CROCC: variants seen among roughly 807,000 people sequenced by gnomAD.
The protein encoded by CROCC is ciliary rootlet coiled-coil, rootletin, also known as rootletin.
Under a neutral mutation model 245.2 loss-of-function variants are expected in CROCC, and 180 were observed. That is an observed-to-expected ratio of 0.73 (90% confidence interval 0.65 to 0.83). The LOEUF (loss-of-function observed/expected upper bound fraction) is 0.83, where lower values mean the gene tolerates loss of function less well. CROCC is among the 40% of genes least tolerant of loss of function. The pLI, the probability that CROCC is intolerant of heterozygous loss-of-function variation, is 0.00. For missense variants in CROCC, 2,688 were observed against 2,779.4 expected (o/e 0.97, Z 0.74); for synonymous variants, 1,205 against 1,241.6 (o/e 0.97, Z 0.62).
At position 16,969,930 on chromosome 1, in the gene CROCC, G is replaced by A. The variant is rs202156682; in HGVS notation, c.5447G>A (p.Arg1816Gln). The A allele has an allele frequency of 2.0e-4, 314 of 1,590,754 alleles. No individual in the cohort carries two copies. Among genetic ancestry groups the A allele is most frequent in the East Asian group, 9.4e-4 (42 of 44,704 alleles). Residue 1816 changes from arginine to glutamine, a missense_variant, in exon 33 of 37, where the codon CGG (arginine) becomes CAG (glutamine). Around this residue, in one of 9 missense-constraint regions of CROCC, gnomAD observed 1,218 missense variants for 1,286.3 expected, o/e 0.95. Transcript: ENST00000375541. ...VEAEGQLQQL[R>Q]EVLRQRQEGE... is the part of the protein sequence containing the mutation. ...GCCGAGGGCCAGCTACAACAGCTACGGGAGGTGAGGGCCAGGGTGTGCCCC... is the reference window on the plus strand; with the variant it reads ...GCCGAGGGCCAGCTACAACAGCTACAGGAGGTGAGGGCCAGGGTGTGCCCC...
In CROCC at chr1:16,955,492, C is replaced by A; in HGVS notation, c.3646C>A (p.Arg1216=). The part of the protein sequence containing the change: ...GEGAKEREAL[R]RSNEELRSAV... ...GGGTGCCAAGGAGCGCGAGGCCCTGCGGCGTTCCAATGAGGAGCTTCGGTC... is the reference window on the plus strand; with the variant it reads ...GGGTGCCAAGGAGCGCGAGGCCCTGAGGCGTTCCAATGAGGAGCTTCGGTC... Residue 1216 remains arginine, a synonymous_variant, in exon 24 of 37, where the codon CGG becomes AGG. Transcript: ENST00000375541. The A allele has an allele frequency of 6.3e-7, 1 of 1,578,904 alleles. No homozygotes were observed. The highest frequency in any genetic ancestry group is 1.1e-5 in the South Asian group (1 of 87,144).
At position 16,931,145 on chromosome 1, in the gene CROCC, T is replaced by C. The variant is rs532717334; in HGVS notation, c.850-146T>C. The C allele has an allele frequency of 3.8e-5, 26 of 675,796 alleles. No homozygotes were observed. In the East Asian group the frequency reaches 7.1e-4, roughly 18 times the overall value. 41.9% of individuals were successfully genotyped at this position (675,796 alleles called of 1,614,324 possible). A position where few individuals can be genotyped will look rare whatever the true frequency, so the allele number is the denominator to read the frequency against. ...GGCTTGGGAGGCTGAGCATGGCCGCTGCAACACAGCTCTGTGCACAGACCC... is the reference window on the plus strand; with the variant it reads ...GGCTTGGGAGGCTGAGCATGGCCGCCGCAACACAGCTCTGTGCACAGACCC... On this transcript the variant is annotated intron_variant, in intron 7 of 36. Transcript: ENST00000375541.
chr1:16,918,300 CT>C (rs201445636), upstream of CROCC, among the ~76,000 whole-genome samples: 42 of 123,872 alleles, frequency 3.4e-4, no homozygotes, highest in South Asian at 9.0e-4. Flanking sequence ...GGAATTCAGT[CT>C]TTTTTTTTTT....
chr1:16,931,143 G>C (rs1380604891), intron 7 of CROCC, 148 bp from the exon 8 acceptor site: 1 of 652,488 alleles, frequency 1.5e-6, no homozygotes, highest in East Asian at 3.0e-5. Context: ...GAGCATGGCC[G>C]CTGCAACACA....
At chr1:16,964,335 CT>C (rs2076385036) in intron 27 of CROCC, among the ~76,000 whole-genome samples, 1 of 151,044 alleles carries the variant, frequency 6.6e-6, no homozygotes, top group South Asian at 2.1e-4. Context: ...CTTTTCTTTT[CT>C]TTTCCTTTCT....
At chr1:16,964,604 C>T (rs142201963) in intron 27 of CROCC, among the ~76,000 whole-genome samples, 2,120 of 152,030 alleles carry the variant, frequency 0.014, 11 homozygotes, top group Non-Finnish European at 0.02. Flanking sequence ...AGGCCGGTCT[C>T]GAACTGCTGA....
upstream of CROCC, among the ~76,000 whole-genome samples, chr1:16,920,988 C>T (rs1386202141): frequency 6.6e-6 from 1 of 152,280 alleles, no homozygotes; most frequent in Non-Finnish European, 1.5e-5. Context: ...AGGTGATCCA[C>T]CCGCTTTGTC....
Position 16,971,509 on chromosome 1 carries a change from G to T in CROCC, c.5829G>T (p.Leu1943=), listed in dbSNP as rs2076519190. ...VLEQSHSPAQ[L]EVDAQQQQLE... ...AGCAGAGCCACAGCCCGGCCCAGCT[G>T]GAGGTGGATGCGCAGCAGCAGCAGC... The change falls in exon 36 of 37, where the codon CTG becomes CTT. Residue 1943 remains leucine (L), a synonymous_variant. Transcript: ENST00000375541. The T allele has an allele frequency of 2.0e-6, 3 of 1,537,194 alleles. No individual in the cohort carries two copies. The highest frequency in any genetic ancestry group is 2.6e-6 in the Non-Finnish European group (3 of 1,146,446).
upstream of CROCC, among the ~76,000 whole-genome samples, chr1:16,920,056 C>T (rs2100299108): frequency 6.6e-6 from 1 of 150,822 alleles, no homozygotes; most frequent in Middle Eastern, 3.4e-3. Flanking sequence ...CACGCCCCAG[C>T]TAATTTTTTT....
At chr1:16,919,766 G>A (rs2075365062), upstream of CROCC, among the ~76,000 whole-genome samples, 1 of 152,272 alleles carries the variant, frequency 6.6e-6, no homozygotes, top group Admixed American at 6.5e-5. Context: ...TTTTTGGTAG[G>A]ACAGAGTCTC....
At position 16,948,422 on chromosome 1, in the gene CROCC, G is replaced by T; in HGVS notation, c.2606G>T (p.Arg869Leu). 1.3e-6 allele frequency: 2 copies of T among 1,571,668 alleles called. No homozygotes were observed. Among genetic ancestry groups the T allele is most frequent in the Non-Finnish European group, 8.6e-7 (1 of 1,160,508 alleles). The change falls in exon 18 of 37, where the codon CGT (arginine) becomes CTT (leucine). Residue 869 changes from arginine to leucine, a missense_variant. Arg to Leu is a moderately radical substitution (Grantham distance 102). This residue lies in a region of CROCC where 295 missense variants were observed against 241.7 expected (regional missense o/e 1.22). Coordinates refer to ENST00000375541, the MANE Select transcript of CROCC (RefSeq NM_014675.5). ...RQVEALERAA[R>L]EKEALAKEHA... ...GTGGAGGCGCTGGAGCGAGCGGCCC[G>T]TGAGAAGGAGGCGCTAGCCAAGGAG...
chr1:16,935,837 G>A (rs1363518727), intron 8 of CROCC, among the ~76,000 whole-genome samples: 1 of 152,272 alleles, frequency 6.6e-6, no homozygotes, highest in Admixed American at 6.5e-5. Flanking sequence ...TTTCTTACAT[G>A]AGCAATGCTG....
Position 16,951,049 on chromosome 1 carries a change from G to A in CROCC, c.2933G>A (p.Arg978Gln), listed in dbSNP as rs150436905. Residue 978 changes from arginine to glutamine, a missense_variant, in exon 20 of 37, where the codon CGG (arginine) becomes CAG (glutamine). Transcript: ENST00000375541. ...LMAQKLVQAE[R>Q]EAQASLREQR... ...GCCCAGAAGCTGGTGCAGGCTGAGC[G>A]GGAGGCCCAGGCCTCTCTGCGGGAG... 1.3e-5 allele frequency: 21 copies of A among 1,606,896 alleles called. No homozygotes were observed. The African/African-American group carries it at 2.0e-4, about 15-fold the overall frequency.
At chr1:16,949,688 T>C (rs2076125794) in intron 19 of CROCC, among the ~76,000 whole-genome samples, 1 of 152,238 alleles carries the variant, frequency 6.6e-6, no homozygotes, top group Non-Finnish European at 1.5e-5. Context: ...AGGCATGTTA[T>C]GAAGACAAAA....
rs1203567961 is a variant in CROCC, at chr1:16,944,212, G to T, written c.1921G>T (p.Asp641Tyr). The change falls in exon 14 of 37, where the codon GAC becomes TAC. Residue 641 changes from aspartate (D) to tyrosine (Y), a missense_variant. Transcript: ENST00000375541. ...AAQEELRRQR[D>Y]RLEEEQEDAV... Reference sequence around the variant, plus strand: ...CCAGGAGGAGCTGCGGCGCCAGCGGGACCGGCTGGAGGAAGAGCAGGAGGA... The same window carrying T: ...CCAGGAGGAGCTGCGGCGCCAGCGGTACCGGCTGGAGGAAGAGCAGGAGGA... The T allele has an allele frequency of 3.9e-6, 6 of 1,555,106 alleles. No individual in the cohort carries two copies. Among genetic ancestry groups the T allele is most frequent in the South Asian group, 1.2e-5 (1 of 84,234 alleles).
At chr1:16,972,105 G>A (rs1301208789) in intron 36 of CROCC, among the ~76,000 whole-genome samples, 2 of 152,228 alleles carry the variant, frequency 1.3e-5, no homozygotes, top group African/African-American at 4.8e-5. Flanking sequence ...GGTCTGGGCT[G>A]AAGCCACGCC....
At chr1:16,946,549 T>C (rs2076051241) in intron 16 of CROCC, 144 bp downstream of exon 16, 3 of 1,308,964 alleles carry the variant, frequency 2.3e-6, no homozygotes, top group Non-Finnish European at 3.2e-6. Flanking sequence ...GTTCTCTGTC[T>C]GTCTGTCTAT....
Position 16,930,597 on chromosome 1 carries a change from G to A in CROCC, c.849+3G>A, listed in dbSNP as rs563830479. 134 of 1,606,090 alleles carry A rather than the reference G, an allele frequency of 8.3e-5. No individual in the cohort carries two copies. Among genetic ancestry groups the A allele is most frequent in the African/African-American group, 1.3e-5 (1 of 74,982 alleles). On this transcript the variant is annotated splice_donor_region_variant and intron_variant, in intron 7 of 36. Transcript: ENST00000375541. ...CGGCGTGGAGGCGCGAGGAGGAGGT[G>A]GGCATGGGGGTGCAGGGAGGCCAGC...
rs1274004281 is a variant in CROCC at position 16,966,358 on chromosome 1, G to A, written c.4697-50G>A. The stretch of plus-strand genomic sequence containing the variant: ...CTGGACATTTTGTGACCTGGTTTGG[G>A]TCTCGGGGCTGTGCTTGGCCATGCC... On this transcript the variant is annotated intron_variant, in intron 29 of 36. Transcript: ENST00000375541. The surrounding 1 kb of genome is among the most constrained non-coding windows in gnomAD (Gnocchi z 4.8). 14 of 1,480,060 alleles carry A rather than the reference G, an allele frequency of 9.5e-6. No homozygotes were observed. The highest frequency in any genetic ancestry group is 2.5e-4 in the Middle Eastern group (1 of 4,044). The allele number at this position is 1,480,060 out of a possible 1,614,324, so 91.7% of individuals were successfully genotyped here. A position where few individuals can be genotyped will look rare whatever the true frequency, so the allele number is the denominator to read the frequency against.
Sources: allele counts gnomAD v4.1 joint callset (sites outside exome capture counted in the v4.1 genomes callset), GRCh38; gene constraint gnomAD v4.1.1; regional missense constraint gnomAD v4.1.1; non-coding constraint Gnocchi (gnomAD v3.1); transcripts MANE v1.5; gene names NCBI Gene and HGNC (gene_info 2026-07-23, HGNC 2026-07-21).